The following ADAM22 variants were observed in gnomAD, a reference collection of about 807,000 sequenced individuals.
ADAM22 encodes disintegrin and metalloproteinase domain-containing protein 22.
In ADAM22, 65 loss-of-function variants were observed where a neutral mutation model predicts 144.6. The observed-to-expected ratio is 0.45, with a 90% CI of 0.37 to 0.55. The LOEUF (loss-of-function observed/expected upper bound fraction) is 0.55, where lower values mean the gene tolerates loss of function less well. ADAM22 is among the 20% of genes least tolerant of loss of function. The probability of loss-of-function intolerance (pLI) is 0.00; values close to 1 mark genes in which losing one functional copy is unlikely to be tolerated. For missense variants in ADAM22, 974 were observed against 1,184.9 expected, an observed-to-expected ratio of 0.82 and a Z score of 2.61; for synonymous variants, 391 against 412.6, an observed-to-expected ratio of 0.95 and a Z score of 0.63.
intron 7 of ADAM22, 65 bp from the exon 8 acceptor site, chr7:88,125,524 C>T (rs1229834431): frequency 1.1e-5 from 13 of 1,156,038 alleles, no homozygotes; most frequent in African/African-American, 1.6e-5. Context: ...GCAGGTAAAA[C>T]TTTGCCCTGT....
intron 2 of ADAM22, among the ~76,000 whole-genome samples, chr7:87,938,741 C>T (rs1489103002): frequency 1.3e-5 from 2 of 152,120 alleles, no homozygotes; most frequent in East Asian, 1.9e-4. Flanking sequence ...GGTCCACCTC[C>T]CTGGTTCAAG....
Position 88,196,628 on chromosome 7 carries a change from A to G in ADAM22, c.*137A>G. Reference sequence around the variant, plus strand: ...CTCTGAGATGCTACAGAGGAGAGGAAGCGGAGTTTCACATCTGGTTACCAT... The same window carrying G: ...CTCTGAGATGCTACAGAGGAGAGGAGGCGGAGTTTCACATCTGGTTACCAT... On this transcript the variant is annotated 3_prime_UTR_variant, in exon 32 of 32. Coordinates refer to ENST00000413139, the MANE Select transcript of ADAM22 (RefSeq NM_001324418.2). The G allele has an allele frequency of 1.1e-6, 1 of 946,480 alleles. No individual in the cohort carries two copies. Among genetic ancestry groups the G allele is most frequent in the Non-Finnish European group, 1.6e-6 (1 of 609,494 alleles). The allele number at this position is 946,480 out of a possible 1,614,324, so 58.6% of individuals were successfully genotyped here. A position where few individuals can be genotyped will look rare whatever the true frequency, so the allele number is the denominator to read the frequency against.
chr7:88,101,522 A>G (rs1822933481), intron 4 of ADAM22, among the ~76,000 whole-genome samples: 2 of 152,298 alleles, frequency 1.3e-5, no homozygotes, highest in South Asian at 2.1e-4. Flanking sequence ...CCTTTGTCCC[A>G]GGCAAACTGG....
chr7:88,113,721 T>A lies in ADAM22; in HGVS notation c.474-863T>A, dbSNP rs1470423377. On this transcript the variant is annotated intron_variant, in intron 5 of 31. Coordinates refer to ENST00000413139, the MANE Select transcript of ADAM22 (RefSeq NM_001324418.2). ...ATAAATAAATATATATATATATATA[T>A]ATATATATATATATATATAGTAAGT... 2.8e-4 allele frequency among the ~76,000 whole-genome samples: 33 copies of A among 117,252 alleles called. 2 individuals are homozygous for A. Among genetic ancestry groups the A allele is most frequent in the Middle Eastern group, 4.0e-3 (1 of 248 alleles). The allele number at this position is 117,252 out of a possible 152,430, so 76.9% of individuals were successfully genotyped here.
chr7:88,015,320 G>T (rs1368254766), intron 3 of ADAM22, among the ~76,000 whole-genome samples: 1 of 152,178 alleles, frequency 6.6e-6, no homozygotes, highest in Non-Finnish European at 1.5e-5. Flanking sequence ...GGTAGAAAGA[G>T]AATAGTAAAA....
intron 26 of ADAM22, among the ~76,000 whole-genome samples, chr7:88,174,802 ATTTCT>A (rs1250036173): frequency 1.3e-5 from 2 of 151,838 alleles, no homozygotes; most frequent in Admixed American, 6.6e-5. Context: ...CCCCTTCCCC[ATTTCT>A]TTTCTCTCTC....
intron 12 of ADAM22, among the ~76,000 whole-genome samples, chr7:88,133,865 CTCCTGTT>C (rs1832407790): frequency 6.6e-6 from 1 of 152,184 alleles, no homozygotes; most frequent in African/African-American, 2.4e-5. Flanking sequence ...TCATCACTAC[CTCCTGTT>C]ACTCATTTCA....
chr7:88,175,239 C>G (rs1845345150), intron 26 of ADAM22, among the ~76,000 whole-genome samples: 1 of 152,036 alleles, frequency 6.6e-6, no homozygotes, highest in African/African-American at 2.4e-5. Context: ...AACATAACAA[C>G]TAGATGATTT....
chr7:88,041,188 G>A (rs1164836320), intron 3 of ADAM22, among the ~76,000 whole-genome samples: 5 of 152,068 alleles, frequency 3.3e-5, no homozygotes, highest in East Asian at 1.9e-4. Flanking sequence ...GTAACCCATC[G>A]TATTTACAGT....
At position 88,116,810 on chromosome 7, in the gene ADAM22, A is replaced by G; in HGVS notation, c.603A>G (p.Pro201=). ...TTGAATTTTCCTTGGATGATCTTCC[A>G]TCTGGTATGATGTTCATATAGTGAC... is the stretch of plus-strand genomic sequence containing the variant. ...RLFEFSLDDL[P]SEFQQVNITP... Residue 201 remains proline, a synonymous_variant, in exon 7 of 32, where the codon CCA becomes CCG. Transcript: ENST00000413139. 2 of 1,609,516 alleles carry G rather than the reference A, an allele frequency of 1.2e-6. No individual in the cohort carries two copies. Among genetic ancestry groups the G allele is most frequent in the Non-Finnish European group, 1.7e-6 (2 of 1,176,210 alleles).
intron 3 of ADAM22, among the ~76,000 whole-genome samples, chr7:88,003,170 TAGG>T (rs1792977011): frequency 6.6e-6 from 1 of 152,204 alleles, no homozygotes; most frequent in East Asian, 1.9e-4. Flanking sequence ...CAGGGAATCA[TAGG>T]AGATCTGGAA....
At chr7:88,139,712 T>A (rs1180157979) in intron 14 of ADAM22, among the ~76,000 whole-genome samples, 1 of 151,954 alleles carries the variant, frequency 6.6e-6, no homozygotes, top group Non-Finnish European at 1.5e-5. Context: ...ATACCATGGA[T>A]AGTTCCCAAA....
chr7:88,146,538 A>G (rs928871785), intron 17 of ADAM22, among the ~76,000 whole-genome samples: 3 of 152,156 alleles, frequency 2.0e-5, no homozygotes, highest in Non-Finnish European at 4.4e-5. Context: ...CATTCCACCC[A>G]TTAGGTGCCA....
intron 25 of ADAM22, among the ~76,000 whole-genome samples, chr7:88,170,966 T>C (rs1446626525): frequency 6.6e-6 from 1 of 151,890 alleles, no homozygotes; most frequent in African/African-American, 2.4e-5. Flanking sequence ...GTATTTCCAA[T>C]GTGAAGCTTC....
At chr7:87,964,079 A>C (rs940077481) in intron 2 of ADAM22, among the ~76,000 whole-genome samples, 3 of 152,200 alleles carry the variant, frequency 2.0e-5, no homozygotes, top group African/African-American at 7.2e-5. Context: ...ACTATGTCTT[A>C]AGTCTGTAAG....
At chr7:88,051,396 T>C (rs1284353409) in intron 3 of ADAM22, among the ~76,000 whole-genome samples, 7 of 152,160 alleles carry the variant, frequency 4.6e-5, no homozygotes, top group African/African-American at 1.2e-4. Flanking sequence ...TTCATGTCAT[T>C]TGTAGGGACA....
chr7:87,938,301 C>T (rs944272388), intron 2 of ADAM22, among the ~76,000 whole-genome samples: 2 of 145,694 alleles, frequency 1.4e-5, no homozygotes, highest in African/African-American at 5.3e-5. Flanking sequence ...TTATTGCAAC[C>T]TCCACCTCCT....
Position 88,054,588 on chromosome 7 carries a change from CTGTGTGTGTG to C in ADAM22, c.324-21003_324-20994del, listed in dbSNP as rs58027941. On this transcript the variant is annotated intron_variant, in intron 3 of 31. Coordinates refer to ENST00000413139, the MANE Select transcript of ADAM22 (RefSeq NM_001324418.2). ...TTTCCAGGCCTGATTAGGTGCCCTC[CTGTGTGTGTG>C]TGTGTGTGTGTGTGTGTGTGTGTGT... 6.5e-3 allele frequency among the ~76,000 whole-genome samples: 854 copies of C among 132,278 alleles called. 15 individuals carry two copies. Among genetic ancestry groups the C allele is most frequent in the East Asian group, 0.044 (194 of 4,416 alleles). The allele number at this position is 132,278 out of a possible 152,430, so 86.8% of individuals were successfully genotyped here. A position where few individuals can be genotyped will look rare whatever the true frequency, so the allele number is the denominator to read the frequency against.
intron 22 of ADAM22, among the ~76,000 whole-genome samples, chr7:88,162,743 T>A (rs1842025805): frequency 6.6e-6 from 1 of 152,112 alleles, no homozygotes; most frequent in Non-Finnish European, 1.5e-5. Flanking sequence ...TTTTGCTTGG[T>A]AGCCCAGGTG....
Sources: allele counts gnomAD v4.1 joint callset (sites outside exome capture counted in the v4.1 genomes callset), GRCh38; gene constraint gnomAD v4.1.1; transcripts MANE v1.5; gene names NCBI Gene and HGNC (gene_info 2026-07-23, HGNC 2026-07-21).